SORCS1: variants seen among roughly 807,000 people sequenced by gnomAD.
SORCS1 encodes the protein sortilin related VPS10 domain containing receptor 1.
Under a neutral mutation model 146.1 loss-of-function variants are expected in SORCS1, and 60 were observed. The ratio of observed to expected loss-of-function variants is 0.41; its 90% CI spans 0.33 to 0.51. The LOEUF (loss-of-function observed/expected upper bound fraction) is 0.51. Among genes scored for constraint, SORCS1 ranks in the 20% least tolerant of loss-of-function variants. The probability of loss-of-function intolerance (pLI) is 0.21; values close to 1 mark genes in which losing one functional copy is unlikely to be tolerated. For synonymous variants in SORCS1, 637 were observed against 584.0 expected (o/e 1.09, Z -1.31); for missense variants, 1,352 against 1,487.6 (o/e 0.91, Z 1.50).
chr10:106,933,519 G>C (rs1257565720), intron 2 of SORCS1, among the ~76,000 whole-genome samples: 1 of 152,142 alleles, frequency 6.6e-6, no homozygotes, highest in Non-Finnish European at 1.5e-5. Flanking sequence ...TAGTTAATGA[G>C]TACCACTATG....
At chr10:106,610,291 G>A (rs1489065958) in intron 22 of SORCS1, among the ~76,000 whole-genome samples, 2 of 151,992 alleles carry the variant, frequency 1.3e-5, no homozygotes, top group Non-Finnish European at 2.9e-5. Flanking sequence ...TTCAAACCTT[G>A]ATGGTTTGAC....
At position 107,164,306 on chromosome 10, in the gene SORCS1, A is replaced by C. The variant is rs771395554; in HGVS notation, c.221T>G (p.Val74Gly). ...RAPATPLPLV[V>G]RPLFSVAPGD... The stretch of plus-strand genomic sequence containing the variant: ...GGGGGCCACTGAGAACAGGGGACGC[A>C]CTACGAGGGGCAGGGGCGTGGCAGG... The change falls in exon 1 of 26, where the codon GTG becomes GGG. Residue 74 changes from valine (V) to glycine (G), a missense_variant. Physicochemically the swap from Val to Gly is moderately radical, Grantham distance 109 (BLOSUM62 -3). Transcript: ENST00000263054. This position sits in a 1 kb window ranked among gnomAD's most constrained non-coding sequence, Gnocchi z 6.8. The C allele has an allele frequency of 6.3e-7, 1 of 1,580,818 alleles. No individual in the cohort carries two copies. The highest frequency in any genetic ancestry group is 1.3e-5 in the African/African-American group (1 of 74,416).
Position 107,094,711 on chromosome 10 carries a change from G to A in SORCS1, c.558+69258C>T, listed in dbSNP as rs959228331. 3.9e-5 allele frequency among the ~76,000 whole-genome samples: 6 copies of A among 152,128 alleles called. 1 individual carries two copies. Among genetic ancestry groups the A allele is most frequent in the Admixed American group, 3.9e-4 (6 of 15,278 alleles). Reference sequence around the variant, plus strand: ...ATCAGTAGTTGGTAATATCAGAGAGGACACTATGCATTGAGTAGGGAATGA... The same window carrying A: ...ATCAGTAGTTGGTAATATCAGAGAGAACACTATGCATTGAGTAGGGAATGA... On this transcript the variant is annotated intron_variant, in intron 1 of 25. Coordinates refer to ENST00000263054, the MANE Select transcript of SORCS1 (RefSeq NM_052918.5).
At chr10:107,145,789 T>G (rs926195027) in intron 1 of SORCS1, among the ~76,000 whole-genome samples, 13 of 152,178 alleles carry the variant, frequency 8.5e-5, no homozygotes, top group African/African-American at 2.9e-4. Context: ...GTTTCTGATT[T>G]GGGAGAAAAG....
chr10:106,823,022 A>G (rs940775402), intron 3 of SORCS1, among the ~76,000 whole-genome samples: 1 of 152,082 alleles, frequency 6.6e-6, no homozygotes, highest in African/African-American at 2.4e-5. Flanking sequence ...ACCTCAGGTG[A>G]TCCACCCACC....
intron 2 of SORCS1, among the ~76,000 whole-genome samples, chr10:106,943,921 C>T (rs1270108794): frequency 1.3e-5 from 2 of 152,274 alleles, no homozygotes; most frequent in African/African-American, 4.8e-5. Context: ...TCTGGAATGT[C>T]CAAGACAAAA....
intron 1 of SORCS1, among the ~76,000 whole-genome samples, chr10:107,083,913 G>T (rs1049131718): frequency 2.0e-5 from 3 of 152,198 alleles, no homozygotes; most frequent in Admixed American, 2.0e-4. Flanking sequence ...CTGTTAAGGT[G>T]AAATGTATGG....
At chr10:107,001,841 G>A (rs1475481372) in intron 1 of SORCS1, among the ~76,000 whole-genome samples, 2 of 152,138 alleles carry the variant, frequency 1.3e-5, no homozygotes, top group East Asian at 1.9e-4. Flanking sequence ...TATGTTCTCC[G>A]GCAAAGGCAG....
intron 2 of SORCS1, among the ~76,000 whole-genome samples, chr10:106,948,917 C>T (rs1361995108): frequency 3.3e-5 from 5 of 151,826 alleles, no homozygotes; most frequent in Non-Finnish European, 7.4e-5. Flanking sequence ...GCTGAGATCA[C>T]GCCACTGCAC....
chr10:107,056,046 A>G (rs1295857427), intron 1 of SORCS1, among the ~76,000 whole-genome samples: 1 of 152,206 alleles, frequency 6.6e-6, no homozygotes, highest in East Asian at 1.9e-4. Context: ...TTTCTTTATG[A>G]CATTTGGCAG....
chr10:106,943,257 C>G (rs569915683), intron 2 of SORCS1, among the ~76,000 whole-genome samples: 27 of 152,282 alleles, frequency 1.8e-4, no homozygotes, highest in African/African-American at 6.5e-4. Context: ...TTCCAACTTT[C>G]AAGCAGCAGC....
At chr10:106,834,610 T>G (rs1003370972) in intron 2 of SORCS1, among the ~76,000 whole-genome samples, 5 of 152,204 alleles carry the variant, frequency 3.3e-5, no homozygotes, top group African/African-American at 1.2e-4. Flanking sequence ...AAAATTATCT[T>G]AAATGAAAAT....
chr10:107,098,385 A>G (rs1964678295), intron 1 of SORCS1, among the ~76,000 whole-genome samples: 1 of 152,322 alleles, frequency 6.6e-6, no homozygotes, highest in South Asian at 2.1e-4. Context: ...ATACTGAAGA[A>G]GTAGTCAGTT....
At chr10:107,002,424 G>A (rs991486873) in intron 1 of SORCS1, among the ~76,000 whole-genome samples, 1 of 152,080 alleles carries the variant, frequency 6.6e-6, no homozygotes, top group African/African-American at 2.4e-5. Context: ...ACTAATTTAG[G>A]AAGCTTTGAG....
chr10:106,671,391 A>C (rs1399426702), intron 15 of SORCS1, 24 bp from the exon 16 acceptor site: 5 of 1,613,426 alleles, frequency 3.1e-6, no homozygotes, highest in Non-Finnish European at 4.2e-6. Context: ...AGGATCACAG[A>C]TACTTGGGCA....
At chr10:107,102,083 G>A (rs1333602906) in intron 1 of SORCS1, among the ~76,000 whole-genome samples, 1 of 152,156 alleles carries the variant, frequency 6.6e-6, no homozygotes, top group South Asian at 2.1e-4. Context: ...TTCTATCTTG[G>A]TCATCATTTT....
At chr10:107,095,499 T>C (rs539248975) in intron 1 of SORCS1, among the ~76,000 whole-genome samples, 1 of 152,322 alleles carries the variant, frequency 6.6e-6, no homozygotes, top group African/African-American at 2.4e-5. Flanking sequence ...GTGTCTGTTC[T>C]AAAGAGTTGG....
Position 106,575,137 on chromosome 10 carries a change from T to C in SORCS1, c.*2283A>G, listed in dbSNP as rs574553340. The C allele has an allele frequency of 6.5e-6, 1 of 152,760 alleles. No homozygotes were observed. The highest frequency in any genetic ancestry group is 2.4e-5 in the African/African-American group (1 of 41,590). 9.5% of individuals were successfully genotyped at this position (152,760 alleles called of 1,614,324 possible). A position where few individuals can be genotyped will look rare whatever the true frequency, so the allele number is the denominator to read the frequency against. On this transcript the variant is annotated 3_prime_UTR_variant, in exon 26 of 26. Transcript: ENST00000263054. ...ATTTTCCAACACTTTGTCTTCCACATTAAATTTGGGAGACTCCAACTGAAG... is the reference window on the plus strand; with the variant it reads ...ATTTTCCAACACTTTGTCTTCCACACTAAATTTGGGAGACTCCAACTGAAG...
At chr10:106,989,682 T>G (rs1016561728) in intron 1 of SORCS1, among the ~76,000 whole-genome samples, 6 of 73,796 alleles carry the variant, frequency 8.1e-5, no homozygotes, top group African/African-American at 3.1e-4. Context: ...TTTTTTTTGT[T>G]TTTTTTTTTT....
Sources: allele counts gnomAD v4.1 joint callset (sites outside exome capture counted in the v4.1 genomes callset), GRCh38; gene constraint gnomAD v4.1.1; non-coding constraint Gnocchi (gnomAD v3.1); transcripts MANE v1.5; gene names NCBI Gene and HGNC (gene_info 2026-07-23, HGNC 2026-07-21).